Variants in SLC24A2 observed in about 807,000 individuals in gnomAD.
SLC24A2 encodes the protein solute carrier family 24 member 2.
Under a neutral mutation model 62.0 loss-of-function variants are expected in SLC24A2, and 36 were observed. The ratio of observed to expected loss-of-function variants is 0.58; its 90% CI spans 0.44 to 0.77. The LOEUF (loss-of-function observed/expected upper bound fraction) is 0.77. Among genes scored for constraint, SLC24A2 ranks in the 30% least tolerant of loss-of-function variants. SLC24A2 has a pLI of 0.00. For missense variants in SLC24A2, 846 were observed against 817.9 expected, an observed-to-expected ratio of 1.03 and a Z score of -0.42; for synonymous variants, 358 against 294.0, an observed-to-expected ratio of 1.22 and a Z score of -2.23.
the SLC24A2 span, among the ~76,000 whole-genome samples, chr9:19,903,484 T>C: frequency 6.6e-6 from 1 of 152,168 alleles, no homozygotes; most frequent in African/African-American, 2.4e-5. Flanking sequence ...ATATTAATTC[T>C]GGGAAAACAC....
chr9:19,533,733 C>G (rs962748167), intron 8 of SLC24A2, among the ~76,000 whole-genome samples: 7 of 152,192 alleles, frequency 4.6e-5, no homozygotes, highest in Non-Finnish European at 8.8e-5. Flanking sequence ...ATTGCCAATT[C>G]ACAGAATTAT....
intron 2 of SLC24A2, among the ~76,000 whole-genome samples, chr9:19,686,671 TGAA>T (rs1329243554): frequency 6.6e-6 from 1 of 152,124 alleles, no homozygotes; most frequent in Non-Finnish European, 1.5e-5. Context: ...TGCCGTCATG[TGAA>T]GAAGGACATG....
chr9:19,579,134 T>A lies in SLC24A2; in HGVS notation c.1130-2112A>T, dbSNP rs558714443. Among the ~76,000 whole-genome samples the A allele has an allele frequency of 2.0e-5, 3 of 152,262 alleles. No individual in the cohort carries two copies. In the South Asian group the frequency reaches 6.2e-4, roughly 32 times the overall value. Reference sequence around the variant, plus strand: ...GTAGCTTGAATTTGGTTGTTTCTATTTAATTTCCAAGGGAAACTCTGGGAA... The same window carrying A: ...GTAGCTTGAATTTGGTTGTTTCTATATAATTTCCAAGGGAAACTCTGGGAA... On this transcript the variant is annotated intron_variant, in intron 5 of 10. Transcript: ENST00000341998.
chr9:20,019,155 A>AAGAAAGAAAGAAAGAAAGAGAG, the SLC24A2 span, among the ~76,000 whole-genome samples: 9 of 117,186 alleles, frequency 7.7e-5, no homozygotes, highest in African/African-American at 2.2e-4. Flanking sequence ...GAAAGAAAGA[A>AAGAAAGAAAGAAAGAAAGAGAG]AGAGAGAGAG....
At chr9:20,281,490 C>T in the SLC24A2 span, among the ~76,000 whole-genome samples, 3 of 152,130 alleles carry the variant, frequency 2.0e-5, no homozygotes, top group Non-Finnish European at 2.9e-5. Context: ...TCACTACTCT[C>T]CCACAAGAAA....
the SLC24A2 span, among the ~76,000 whole-genome samples, chr9:20,296,494 G>A: frequency 6.6e-6 from 1 of 152,208 alleles, no homozygotes. Context: ...TTGTGTGTAA[G>A]CACTATGCAT....
At chr9:20,011,117 A>T in the SLC24A2 span, among the ~76,000 whole-genome samples, 1 of 152,152 alleles carries the variant, frequency 6.6e-6, no homozygotes, top group African/African-American at 2.4e-5. Context: ...TCCTTTGGGT[A>T]TATATCCAGT....
chr9:19,519,891 T>TA (rs1833106644), intron 10 of SLC24A2, among the ~76,000 whole-genome samples: 1 of 152,190 alleles, frequency 6.6e-6, no homozygotes, highest in Admixed American at 6.5e-5. Flanking sequence ...CAGAGAGTGC[T>TA]ACAATTGATA....
At chr9:20,273,602 C>A in the SLC24A2 span, among the ~76,000 whole-genome samples, 1 of 152,166 alleles carries the variant, frequency 6.6e-6, no homozygotes, top group East Asian at 1.9e-4. Context: ...CTGCTGCCAT[C>A]CACATAAGAC....
chr9:20,008,555 C>T, the SLC24A2 span, among the ~76,000 whole-genome samples: 1 of 152,170 alleles, frequency 6.6e-6, no homozygotes, highest in Non-Finnish European at 1.5e-5. Context: ...ACCTTGGCAG[C>T]TCCATGACTT....
intron 3 of SLC24A2, among the ~76,000 whole-genome samples, chr9:19,621,827 T>A (rs923356483): frequency 6.6e-6 from 1 of 152,214 alleles, no homozygotes; most frequent in African/African-American, 2.4e-5. Context: ...ATTAAGTATA[T>A]AGGTCTCATG....
At chr9:19,742,343 T>C (rs1271744599) in intron 2 of SLC24A2, among the ~76,000 whole-genome samples, 7 of 152,234 alleles carry the variant, frequency 4.6e-5, no homozygotes, top group Admixed American at 1.3e-4. Flanking sequence ...TGAATTCATC[T>C]GGATTAGACT....
intron 2 of SLC24A2, among the ~76,000 whole-genome samples, chr9:19,757,984 T>C (rs139337292): frequency 0.015 from 2,214 of 152,252 alleles, 27 homozygotes; most frequent in Non-Finnish European, 0.024. Context: ...GTTAGAACCC[T>C]GTATGAAAGC....
chr9:20,139,626 G>C, the SLC24A2 span, among the ~76,000 whole-genome samples: 1 of 152,172 alleles, frequency 6.6e-6, no homozygotes, highest in African/African-American at 2.4e-5. Flanking sequence ...GCAAGATGCT[G>C]TGCTGTGTGC....
At chr9:20,011,476 A>T in the SLC24A2 span, among the ~76,000 whole-genome samples, 1 of 152,188 alleles carries the variant, frequency 6.6e-6, no homozygotes, top group Non-Finnish European at 1.5e-5. Flanking sequence ...AGATGAGGGT[A>T]TTCGAACACA....
At chr9:19,795,714 C>G in the SLC24A2 span, among the ~76,000 whole-genome samples, 3 of 152,044 alleles carry the variant, frequency 2.0e-5, no homozygotes, top group Non-Finnish European at 2.9e-5. Flanking sequence ...TATTCTCCCC[C>G]CTCCCTCTCT....
chr9:19,530,768 G>T (rs937270476), intron 8 of SLC24A2, among the ~76,000 whole-genome samples: 25 of 152,180 alleles, frequency 1.6e-4, no homozygotes, highest in African/African-American at 6.0e-4. Context: ...TGCATTAGGG[G>T]CTCAATGAAG....
the SLC24A2 span, among the ~76,000 whole-genome samples, chr9:20,299,912 A>G: frequency 3.3e-5 from 5 of 152,198 alleles, no homozygotes; most frequent in African/African-American, 7.2e-5. Flanking sequence ...CTGTGCTTCT[A>G]GACTCTACAC....
chr9:19,693,314 T>C (rs1820095042), intron 2 of SLC24A2, among the ~76,000 whole-genome samples: 1 of 152,136 alleles, frequency 6.6e-6, no homozygotes, highest in African/African-American at 2.4e-5. Flanking sequence ...GGTTTGTCTA[T>C]CTGTGTAACC....
Sources: allele counts gnomAD v4.1 joint callset (sites outside exome capture counted in the v4.1 genomes callset), GRCh38; gene constraint gnomAD v4.1.1; transcripts MANE v1.5; gene names NCBI Gene and HGNC (gene_info 2026-07-23, HGNC 2026-07-21).